CCDC144A: variants seen among roughly 807,000 people sequenced by gnomAD.
CCDC144A encodes coiled-coil domain containing 144A.
Under a neutral mutation model 143.8 loss-of-function variants are expected in CCDC144A, and 41 were observed. The ratio of observed to expected loss-of-function variants is 0.29; its 90% CI spans 0.22 to 0.37. The LOEUF (loss-of-function observed/expected upper bound fraction) is 0.37, where lower values mean the gene tolerates loss of function less well. CCDC144A is among the 10% of genes least tolerant of loss of function. The probability of loss-of-function intolerance (pLI) is 1.00; values close to 1 mark genes in which losing one functional copy is unlikely to be tolerated. For missense variants in CCDC144A, 637 were observed against 1,488.8 expected, an observed-to-expected ratio of 0.43 and a Z score of 9.41; for synonymous variants, 242 against 517.9, an observed-to-expected ratio of 0.47 and a Z score of 7.23.
chr17:16,717,596 T>G (rs976191744), intron 6 of CCDC144A, among the ~76,000 whole-genome samples: 3 of 152,220 alleles, frequency 2.0e-5, no homozygotes, highest in Non-Finnish European at 4.4e-5. Flanking sequence ...ATTTTGCCTC[T>G]TCTGTAATGC....
upstream of CCDC144A, chr17:16,690,167 G>C (rs1910957340): frequency 2.7e-6 from 1 of 369,916 alleles, no homozygotes; most frequent in African/African-American, 2.1e-5. Flanking sequence ...CAGATGCAGT[G>C]AAGTCACAGG....
the CCDC144A span, among the ~76,000 whole-genome samples, chr17:16,680,552 A>G: frequency 7.3e-5 from 11 of 150,752 alleles, no homozygotes; most frequent in African/African-American, 2.2e-4. Flanking sequence ...GAAGAAAGAA[A>G]GAAAGAGAGA....
intron 16 of CCDC144A, among the ~76,000 whole-genome samples, chr17:16,773,168 G>A (rs1915887744): frequency 6.6e-6 from 1 of 151,782 alleles, no homozygotes; most frequent in Non-Finnish European, 1.5e-5. Flanking sequence ...TAATTCTTTG[G>A]CCAGGCATGT....
chr17:16,668,820 AT>A, the CCDC144A span, among the ~76,000 whole-genome samples: 1 of 152,174 alleles, frequency 6.6e-6, no homozygotes, highest in African/African-American at 2.4e-5. Flanking sequence ...ACAATGGCTG[AT>A]TTGGTTCTTG....
the CCDC144A span, among the ~76,000 whole-genome samples, chr17:16,672,348 G>A: frequency 6.6e-6 from 1 of 152,052 alleles, no homozygotes; most frequent in Non-Finnish European, 1.5e-5. Context: ...AGGAGGCTGA[G>A]GCAGGAGAAT....
chr17:16,764,753 T>C (rs1033006684), intron 15 of CCDC144A: 3 of 158,468 alleles, frequency 1.9e-5, no homozygotes, highest in Admixed American at 6.1e-5. Flanking sequence ...GTAATTGCTA[T>C]TGCACTTAAT....
intron 12 of CCDC144A, among the ~76,000 whole-genome samples, chr17:16,753,696 T>G (rs1212720680): frequency 2.0e-5 from 3 of 152,196 alleles, no homozygotes; most frequent in Admixed American, 2.0e-4. Context: ...TTTCTGTATA[T>G]GAGATCAGGT....
At chr17:16,667,687 A>G in the CCDC144A span, among the ~76,000 whole-genome samples, 3 of 151,606 alleles carry the variant, frequency 2.0e-5, no homozygotes, top group Non-Finnish European at 4.4e-5. Context: ...TATTTAGGAT[A>G]TTTTACTGAT....
intron 6 of CCDC144A, among the ~76,000 whole-genome samples, chr17:16,717,889 G>T (rs991579243): frequency 2.6e-5 from 4 of 152,112 alleles, no homozygotes; most frequent in African/African-American, 7.2e-5. Flanking sequence ...AAAGAAAAAT[G>T]AAAATAAAAA....
In CCDC144A at chr17:16,734,882, G is replaced by A; in HGVS notation, c.2611G>A (p.Glu871Lys). The change falls in exon 12 of 17, where the codon GAG (glutamate) becomes AAG (lysine). Residue 871 changes from glutamate (E) to lysine (K), a missense_variant. Coordinates refer to ENST00000399273, the MANE Select transcript of CCDC144A (RefSeq NM_001382000.1). ...CCTTCAAAAAATTATAAAACTAAAT[G>A]AGGAAACATTAACAGAAACAATACT... ...DNLQKIIKLN[E>K]ETLTETILQY... 6.4e-7 allele frequency: 1 copy of A among 1,568,924 alleles called. No individual in the cohort carries two copies.
the CCDC144A span, among the ~76,000 whole-genome samples, chr17:16,678,234 T>C: frequency 1.3e-5 from 2 of 151,944 alleles, no homozygotes; most frequent in African/African-American, 4.8e-5. Context: ...AAAGCAGCCA[T>C]CCGACTTAGG....
At chr17:16,742,347 T>C (rs1203871647) in intron 12 of CCDC144A, among the ~76,000 whole-genome samples, 4 of 152,216 alleles carry the variant, frequency 2.6e-5, no homozygotes, top group Non-Finnish European at 5.9e-5. Flanking sequence ...TCACTTAGTG[T>C]CACTTAATGT....
At chr17:16,679,614 T>C in the CCDC144A span, among the ~76,000 whole-genome samples, 3 of 152,214 alleles carry the variant, frequency 2.0e-5, no homozygotes, top group South Asian at 6.3e-4. Flanking sequence ...TTCACACTGT[T>C]CTCAGTACTT....
rs577819809 is a variant in CCDC144A, at chr17:16,707,481, C to G, written c.677C>G (p.Ser226Trp). The change falls in exon 4 of 17, where the codon TCG (serine) becomes TGG (tryptophan). Residue 226 changes from serine to tryptophan, a missense_variant. Ser to Trp is a radical substitution (Grantham distance 177). Coordinates refer to ENST00000399273, the MANE Select transcript of CCDC144A (RefSeq NM_001382000.1). The stretch of plus-strand genomic sequence containing the variant: ...TTGGATTTTGCAGCAGAACAAGACT[C>G]GGAGCTGACATCAGAGGAAGAGCAA... ...NKESKEAEQDSELTSEEEQER... is the reference protein window; with the variant it reads ...NKESKEAEQDWELTSEEEQER... The G allele has an allele frequency of 1.9e-6, 3 of 1,606,970 alleles. No homozygotes were observed. The highest frequency in any genetic ancestry group is 1.7e-5 in the Admixed American group (1 of 59,544).
chr17:16,712,031 G>C, intron 6 of CCDC144A: 1 of 646,126 alleles, frequency 1.5e-6, no homozygotes, highest in South Asian at 2.0e-5. Flanking sequence ...TCAGGAGGCT[G>C]AGGCAAGAGA....
At chr17:16,700,169 A>G (rs1395718606) in intron 2 of CCDC144A, among the ~76,000 whole-genome samples, 1 of 152,194 alleles carries the variant, frequency 6.6e-6, no homozygotes, top group Non-Finnish European at 1.5e-5. Context: ...CATTCGAGAA[A>G]GGAAAAGGTG....
At chr17:16,757,735 G>A (rs1166607998) in intron 12 of CCDC144A, among the ~76,000 whole-genome samples, 14 of 152,242 alleles carry the variant, frequency 9.2e-5, no homozygotes, top group Admixed American at 9.2e-4. Flanking sequence ...GAAGGGGATA[G>A]GGCTGCTGGT....
upstream of CCDC144A, among the ~76,000 whole-genome samples, chr17:16,688,471 T>G (rs2882114): frequency 1.4e-5 from 2 of 145,762 alleles, no homozygotes; most frequent in East Asian, 4.0e-4. Context: ...GGTGATACTT[T>G]TTTTCTTTTT....
chr17:16,773,478 T>TTC lies in CCDC144A; in HGVS notation c.4142-17_4142-16dup, dbSNP rs1364321486. 1 of 1,537,354 alleles carries TTC rather than the reference T, an allele frequency of 6.5e-7. No homozygotes were observed. Among genetic ancestry groups the TTC allele is most frequent in the African/African-American group, 1.4e-5 (1 of 72,376 alleles). On this transcript the variant is annotated intron_variant, in intron 16 of 16. Coordinates refer to ENST00000399273, the MANE Select transcript of CCDC144A (RefSeq NM_001382000.1). ...AATAACAATAATAATAATAATATAA[T>TTC]TCTTGCTTTTTTTTTCAGCTGCTAC...
Sources: allele counts gnomAD v4.1 joint callset (sites outside exome capture counted in the v4.1 genomes callset), GRCh38; gene constraint gnomAD v4.1.1; transcripts MANE v1.5; gene names NCBI Gene and HGNC (gene_info 2026-07-23, HGNC 2026-07-21).